Variants in CNTN4 observed in about 807,000 individuals in gnomAD.
CNTN4 encodes the protein contactin-4.
In CNTN4, 77 loss-of-function variants were observed where a neutral mutation model predicts 122.5. The ratio of observed to expected loss-of-function variants is 0.63; its 90% CI spans 0.52 to 0.76. The LOEUF (loss-of-function observed/expected upper bound fraction) is 0.76, where lower values mean the gene tolerates loss of function less well. Among genes scored for constraint, CNTN4 ranks in the 30% least tolerant of loss-of-function variants. The pLI, the probability that CNTN4 is intolerant of heterozygous loss-of-function variation, is 0.00. For synonymous variants in CNTN4, 512 were observed against 447.0 expected (o/e 1.15, Z -1.83); for missense variants, 1,256 against 1,259.1 (o/e 1.00, Z 0.04).
At chr3:2,396,118 G>C (rs1032497949) in intron 3 of CNTN4, among the ~76,000 whole-genome samples, 3 of 151,544 alleles carry the variant, frequency 2.0e-5, no homozygotes, top group African/African-American at 7.3e-5. Context: ...TTGACTTCCC[G>C]AGCTCAGGTG....
chr3:2,220,107 C>T (rs560721754), intron 2 of CNTN4, among the ~76,000 whole-genome samples: 2 of 152,264 alleles, frequency 1.3e-5, no homozygotes, highest in Admixed American at 6.5e-5. Context: ...TACTGTTCCT[C>T]TCTTGTCATG....
intron 3 of CNTN4, among the ~76,000 whole-genome samples, chr3:2,436,527 T>G (rs904442525): frequency 3.3e-5 from 5 of 152,114 alleles, no homozygotes; most frequent in African/African-American, 1.2e-4. Context: ...TTTTAATTAT[T>G]TTATTGAATC....
At chr3:3,014,001 T>C (rs1697486767) in intron 14 of CNTN4, among the ~76,000 whole-genome samples, 1 of 150,920 alleles carries the variant, frequency 6.6e-6, no homozygotes, top group Non-Finnish European at 1.5e-5. Context: ...GTGAATACAT[T>C]CCTGTAAACT....
At chr3:2,296,961 C>T (rs898253840) in intron 2 of CNTN4, among the ~76,000 whole-genome samples, 9 of 152,082 alleles carry the variant, frequency 5.9e-5, no homozygotes, top group African/African-American at 1.7e-4. Context: ...AACTAGGTGA[C>T]ATTAAAGAAG....
At chr3:2,681,532 C>A (rs768679410) in intron 4 of CNTN4, among the ~76,000 whole-genome samples, 6 of 152,074 alleles carry the variant, frequency 3.9e-5, no homozygotes, top group African/African-American at 7.2e-5. Flanking sequence ...ACTGGCCTGC[C>A]TGAATTACGT....
At chr3:2,771,544 A>G (rs1163794877) in intron 6 of CNTN4, among the ~76,000 whole-genome samples, 2 of 152,138 alleles carry the variant, frequency 1.3e-5, no homozygotes, top group Admixed American at 6.5e-5. Flanking sequence ...TATAATGGGG[A>G]TGATGTGAGT....
intron 3 of CNTN4, chr3:2,511,632 G>A (rs1559621476): frequency 2.0e-5 from 3 of 152,262 alleles, no homozygotes; most frequent in Admixed American, 2.0e-4. Context: ...CTTGCTGAGA[G>A]CTGAAATCTC....
chr3:2,508,347 G>T (rs1055595512), intron 3 of CNTN4, among the ~76,000 whole-genome samples: 1 of 152,186 alleles, frequency 6.6e-6, no homozygotes, highest in African/African-American at 2.4e-5. Flanking sequence ...CTTTTAGTGA[G>T]AGATGCAAGG....
chr3:2,921,715 G>A (rs1201623660), intron 12 of CNTN4, among the ~76,000 whole-genome samples: 1 of 152,126 alleles, frequency 6.6e-6, no homozygotes, highest in Non-Finnish European at 1.5e-5. Flanking sequence ...CAATAATGTA[G>A]TAAGACATCA....
At chr3:2,232,487 G>T (rs535921460) in intron 2 of CNTN4, among the ~76,000 whole-genome samples, 1 of 152,134 alleles carries the variant, frequency 6.6e-6, no homozygotes, top group South Asian at 2.1e-4. Flanking sequence ...CTCTTTACAT[G>T]CCTTATCTCA....
chr3:2,414,329 G>C (rs1409350757), intron 3 of CNTN4, among the ~76,000 whole-genome samples: 1 of 152,098 alleles, frequency 6.6e-6, no homozygotes, highest in Non-Finnish European at 1.5e-5. Flanking sequence ...CGTGCGCTTA[G>C]TAGATCCCAC....
At chr3:2,379,311 C>G (rs1428214681) in intron 3 of CNTN4, among the ~76,000 whole-genome samples, 1 of 150,954 alleles carries the variant, frequency 6.6e-6, no homozygotes. Flanking sequence ...AGATGGTTAC[C>G]AATATGATTA....
chr3:2,617,306 C>A (rs1007191543), intron 4 of CNTN4, among the ~76,000 whole-genome samples: 4 of 151,848 alleles, frequency 2.6e-5, no homozygotes, highest in African/African-American at 9.7e-5. Flanking sequence ...AAAAAAACAA[C>A]CCCATCAAAA....
intron 4 of CNTN4, among the ~76,000 whole-genome samples, chr3:2,635,972 TC>T (rs1368070631): frequency 1.3e-5 from 2 of 152,120 alleles, no homozygotes; most frequent in Non-Finnish European, 2.9e-5. Context: ...TCTTCCTTAC[TC>T]CTCCCTAATT....
At chr3:2,867,061 A>G in intron 8 of CNTN4, 112 bp downstream of exon 8, 1 of 938,302 alleles carries the variant, frequency 1.1e-6, no homozygotes, top group Non-Finnish European at 1.7e-6. Context: ...AATGTAAGAA[A>G]AGTTTACTGC....
chr3:2,453,674 A>G (rs1231069500), intron 3 of CNTN4, among the ~76,000 whole-genome samples: 1 of 152,196 alleles, frequency 6.6e-6, no homozygotes, highest in East Asian at 1.9e-4. Context: ...TCTATGGGAT[A>G]TCAATTCTGA....
chr3:2,170,534 T>A (rs919040786), intron 2 of CNTN4, among the ~76,000 whole-genome samples: 3 of 152,218 alleles, frequency 2.0e-5, no homozygotes, highest in Admixed American at 6.5e-5. Context: ...TCTAAGGATG[T>A]CACATGTGCC....
Position 2,368,061 on chromosome 3 carries a change from G to C in CNTN4, c.-89+28828G>C, listed in dbSNP as rs1164207281. Among the ~76,000 whole-genome samples the C allele has an allele frequency of 3.1e-4, 42 of 134,720 alleles. 1 individual carries two copies. Among genetic ancestry groups the C allele is most frequent in the African/African-American group, 1.0e-3 (35 of 34,470 alleles). 88.4% of individuals were successfully genotyped at this position (134,720 alleles called of 152,430 possible). A position where few individuals can be genotyped will look rare whatever the true frequency, so the allele number is the denominator to read the frequency against. ...TTTTTTTTTTTTTTTGAGGTGGAGT[G>C]TCGCTCTGTCGCCCAGGCTGGAGTG... On this transcript the variant is annotated intron_variant, in intron 3 of 24. Coordinates refer to ENST00000418658, the MANE Select transcript of CNTN4 (RefSeq NM_175607.3).
chr3:2,107,548 C>G (rs1317973148), intron 2 of CNTN4, among the ~76,000 whole-genome samples: 1 of 152,088 alleles, frequency 6.6e-6, no homozygotes, highest in Non-Finnish European at 1.5e-5. Context: ...CCAGTCACCT[C>G]CCAATCACCA....
Sources: allele counts gnomAD v4.1 joint callset (sites outside exome capture counted in the v4.1 genomes callset), GRCh38; gene constraint gnomAD v4.1.1; transcripts MANE v1.5; gene names NCBI Gene and HGNC (gene_info 2026-07-23, HGNC 2026-07-21).